Variants in ZNF584 observed in about 807,000 individuals in gnomAD.
ZNF584 encodes zinc finger protein 584.
ZNF584 carries 12 observed loss-of-function variants against 14.7 expected under a neutral mutation model. The observed-to-expected ratio is 0.82, with a 90% CI of 0.52 to 1.32. The LOEUF is 1.32. ZNF584 is among the 40% of genes most tolerant of loss of function. The probability of loss-of-function intolerance (pLI) is 0.00; values close to 1 mark genes in which losing one functional copy is unlikely to be tolerated. For synonymous variants in ZNF584, 204 were observed against 190.9 expected (o/e 1.07, Z -0.57); for missense variants, 478 against 518.8 (o/e 0.92, Z 0.76).
chr19:58,410,559 G>GTATATATATATATGTATATATATATATA (rs1568584453), intron 2 of ZNF584, among the ~76,000 whole-genome samples: 2 of 18,986 alleles, frequency 1.1e-4, no homozygotes, highest in African/African-American at 9.1e-4. Flanking sequence ...ATATATATAT[G>GTATATATATATATGTATATATATATATA]TGTATATATA....
At chr19:58,410,604 T>TATATATATGTATATATATGC (rs2052546188) in intron 2 of ZNF584, among the ~76,000 whole-genome samples, 5 of 46,496 alleles carry the variant, frequency 1.1e-4, no homozygotes, top group Non-Finnish European at 1.8e-4. Context: ...TATATATATG[T>TATATATATGTATATATATGC]ATATATATGT....
rs755982078 is a variant in ZNF584 at position 58,415,610 on chromosome 19, G to A, written c.256G>A (p.Val86Ile). 1.2e-6 allele frequency: 2 copies of A among 1,614,146 alleles called. No homozygotes were observed. The highest frequency in any genetic ancestry group is 3.3e-5 in the Admixed American group (2 of 60,018). Residue 86 changes from valine (V) to isoleucine (I), a missense_variant, in exon 3 of 4, where the codon GTC becomes ATC. Coordinates refer to ENST00000306910, the MANE Select transcript of ZNF584 (RefSeq NM_173548.3). ...GCCCAGCTGGGTGGATGTGACTCCA[G>A]TCAGCAGAGCAGAAGCCAGGAGAGG... ...WVPSWVDVTP[V>I]SRAEARRGFG...
rs746220137 is a variant in ZNF584 at position 58,417,708 on chromosome 19, T to A, written c.1190T>A (p.Leu397His). The stretch of plus-strand genomic sequence containing the variant: ...AAGGCCTTCAAACATAGTTCCACCC[T>A]CCTTCAGCACAAGAAAGTCCATACT... ...CGKAFKHSST[L>H]LQHKKVHTPE... Residue 397 changes from leucine (L) to histidine (H), a missense_variant, in exon 4 of 4, where the codon CTC becomes CAC. This residue lies in a region of ZNF584 where 283 missense variants were observed against 317.3 expected (regional missense o/e 0.89). Coordinates refer to ENST00000306910, the MANE Select transcript of ZNF584 (RefSeq NM_173548.3). 3 of 1,614,102 alleles carry A rather than the reference T, an allele frequency of 1.9e-6. No individual in the cohort carries two copies. The South Asian group carries it at 3.3e-5, about 18-fold the overall frequency.
At chr19:58,410,559 G>T (rs866457261) in intron 2 of ZNF584, among the ~76,000 whole-genome samples, 6 of 18,978 alleles carry the variant, frequency 3.2e-4, no homozygotes, top group African/African-American at 1.4e-3. Context: ...ATATATATAT[G>T]TGTATATATA....
chr19:58,408,004 T>C (rs1444286150), upstream of ZNF584: 1 of 103,720 alleles, frequency 9.6e-6, no homozygotes, highest in Non-Finnish European at 2.4e-5. Flanking sequence ...GGCCCATACG[T>C]CGCCCGCATT....
intron 3 of ZNF584, chr19:58,416,318 C>T (rs144582629): frequency 0.022 from 3,889 of 178,410 alleles, 161 homozygotes; most frequent in African/African-American, 0.084. Context: ...CTCACTGCAA[C>T]CTCTGCCTCC....
rs889364030 is a variant in ZNF584, at chr19:58,415,446, C to T, written c.170-78C>T. The T allele has an allele frequency of 7.8e-6, 12 of 1,528,744 alleles. No homozygotes were observed. In the African/African-American group the frequency reaches 1.5e-4, roughly 19 times the overall value. 94.7% of individuals were successfully genotyped at this position (1,528,744 alleles called of 1,614,324 possible). On this transcript the variant is annotated intron_variant, in intron 2 of 3. Transcript: ENST00000306910. ...CGTCTGGGTTTAAGTGATCTCCTAC[C>T]TCACTTTCCAAAGTGCTGGGATTAC...
rs556929379 is a variant in ZNF584, at chr19:58,410,048, C to T, written c.126C>T (p.Tyr42=). Residue 42 remains tyrosine, a synonymous_variant, in exon 2 of 4, where the codon TAC becomes TAT. Transcript: ENST00000306910. ...GLLNVTQKGL[Y]RDVMLENFAL... is the part of the protein sequence containing the mutation. The stretch of plus-strand genomic sequence containing the variant: ...TTAATGTGACCCAGAAGGGCCTATA[C>T]CGGGATGTGATGCTGGAGAACTTTG... The T allele has an allele frequency of 2.5e-6, 4 of 1,613,646 alleles. No individual in the cohort carries two copies. In the East Asian group the frequency reaches 8.9e-5, roughly 36 times the overall value.
At chr19:58,404,186 C>T (rs180881846), upstream of ZNF584, 1 of 153,556 alleles carries the variant, frequency 6.5e-6, no homozygotes, top group Non-Finnish European at 1.4e-5. Context: ...TACTCCTCTG[C>T]TCCACCCGTG....
intron 2 of ZNF584, among the ~76,000 whole-genome samples, chr19:58,411,224 G>A (rs769072783): frequency 6.6e-6 from 1 of 151,920 alleles, no homozygotes; most frequent in Non-Finnish European, 1.5e-5. Context: ...TTCATTTAAT[G>A]TGTTTATTAA....
rs886473957 is a variant in ZNF584 at position 58,416,864 on chromosome 19, T to A, written c.346T>A (p.Tyr116Asn). 1.8e-5 allele frequency: 29 copies of A among 1,599,584 alleles called. No individual in the cohort carries two copies. Among genetic ancestry groups the A allele is most frequent in the Non-Finnish European group, 2.4e-5 (28 of 1,173,076 alleles). Residue 116 changes from tyrosine (Y) to asparagine (N), a missense_variant, in exon 4 of 4, where the codon TAC becomes AAC. By Grantham distance (143) the Tyr-to-Asn change is moderately radical. Transcript: ENST00000306910. ...AGCCCATCCTGAGCATCTAAAGAGC[T>A]ACAGAGTCATCCAGCACCAGGACAC... ...ERAHPEHLKS[Y>N]RVIQHQDTHS...
chr19:58,406,018 G>T (rs938010397), upstream of ZNF584: 24 of 179,518 alleles, frequency 1.3e-4, no homozygotes, highest in Middle Eastern at 5.1e-3. Flanking sequence ...AGGTTGTAGC[G>T]AGCCGAGATC....
At chr19:58,410,545 ATATATATATATATGTG>A (rs1231247061) in intron 2 of ZNF584, among the ~76,000 whole-genome samples, 4 of 30,616 alleles carry the variant, frequency 1.3e-4, no homozygotes, top group African/African-American at 1.1e-3. Context: ...ATATATATAT[ATATATATATATATGTG>A]TATATATATA....
intron 3 of ZNF584, chr19:58,416,029 C>T (rs2052638545): frequency 4.1e-6 from 6 of 1,478,712 alleles, no homozygotes; most frequent in South Asian, 3.9e-5. Flanking sequence ...ACACATGCCT[C>T]CTCATAGTGC....
Position 58,417,478 on chromosome 19 carries a change from C to A in ZNF584, c.960C>A (p.His320Gln). 1 of 1,614,204 alleles carries A rather than the reference C, an allele frequency of 6.2e-7. No individual in the cohort carries two copies. The highest frequency in any genetic ancestry group is 8.5e-7 in the Non-Finnish European group (1 of 1,180,048). The change falls in exon 4 of 4, where the codon CAC (histidine) becomes CAA (glutamine). Residue 320 changes from histidine to glutamine, a missense_variant. Around this residue, in one of 3 missense-constraint regions of ZNF584, gnomAD observed 283 missense variants for 317.3 expected, o/e 0.89. Transcript: ENST00000306910. Reference protein sequence around the residue: ...NNSFILHQRVHTGERPFECKQ... With the variant: ...NNSFILHQRVQTGERPFECKQ... ...GCTTCATTCTTCACCAGAGAGTTCA[C>A]ACTGGAGAAAGGCCTTTTGAATGCA...
At chr19:58,403,486 A>G (rs1267792223) in intron 1 of ZNF584, among the ~76,000 whole-genome samples, 1 of 141,162 alleles carries the variant, frequency 7.1e-6, no homozygotes, top group South Asian at 2.7e-4. Context: ...AGAGACAGTA[A>G]AGCAGTGACT....
Position 58,417,562 on chromosome 19 carries a change from C to T in ZNF584, c.1044C>T (p.His348=). Reference sequence around the variant, plus strand: ...GCCTCTATCAGCACTGGAAAGTCCACACTGGGGAACGGCCCTATGAATGTA... The same window carrying T: ...GCCTCTATCAGCACTGGAAAGTCCATACTGGGGAACGGCCCTATGAATGTA... ...RSGLYQHWKV[H]TGERPYECSL... Residue 348 remains histidine (H), a synonymous_variant, in exon 4 of 4, where the codon CAC becomes CAT. Transcript: ENST00000306910. The T allele has an allele frequency of 6.2e-7, 1 of 1,614,228 alleles. No individual in the cohort carries two copies. The highest frequency in any genetic ancestry group is 1.1e-5 in the South Asian group (1 of 91,082).
chr19:58,409,952 C>T lies in ZNF584; in HGVS notation c.30C>T (p.Asp10=). 1.9e-6 allele frequency: 3 copies of T among 1,613,962 alleles called. No homozygotes were observed. Among genetic ancestry groups the T allele is most frequent in the South Asian group, 1.1e-5 (1 of 91,060 alleles). MAGEAEAQL[D]PSLQGLVMFE... is the part of the protein sequence containing the mutation. Reference sequence around the variant, plus strand: ...TCATTGACCCCAAGGCTCAGTTGGACCCATCATTGCAGGGCTTGGTGATGT... The same window carrying T: ...TCATTGACCCCAAGGCTCAGTTGGATCCATCATTGCAGGGCTTGGTGATGT... The change falls in exon 2 of 4, where the codon GAC becomes GAT. Residue 10 remains aspartate, a synonymous_variant. Transcript: ENST00000306910.
At chr19:58,403,507 CAGTGGGAG>C (rs2052444220) in intron 1 of ZNF584, among the ~76,000 whole-genome samples, 1 of 104,952 alleles carries the variant, frequency 9.5e-6, no homozygotes, top group Admixed American at 1.3e-4. Flanking sequence ...GCCAGGGACT[CAGTGGGAG>C]GGAGGGAGGG....
Sources: gnomAD v4.1 joint callset for allele counts (sites outside exome capture counted in the v4.1 genomes callset) on GRCh38, gnomAD v4.1.1 for gene constraint, gnomAD v4.1.1 regional missense constraint, MANE v1.5 for transcripts, NCBI Gene and HGNC (gene_info 2026-07-23, HGNC 2026-07-21) for gene names.